BARX2: variants seen among roughly 807,000 people sequenced by gnomAD.
BARX2 encodes BARX homeobox 2.
In BARX2, 11 loss-of-function variants were observed where a neutral mutation model predicts 25.5. That is an observed-to-expected ratio of 0.43 (90% CI 0.27 to 0.71). The LOEUF is 0.71. Among genes scored for constraint, BARX2 ranks in the 30% least tolerant of loss-of-function variants. The probability of loss-of-function intolerance (pLI) is 0.19; values close to 1 mark genes in which losing one functional copy is unlikely to be tolerated. For synonymous variants in BARX2, 137 were observed against 149.5 expected, an observed-to-expected ratio of 0.92 and a Z score of 0.61; for missense variants, 360 against 359.9, an observed-to-expected ratio of 1.00 and a Z score of 0.00.
At chr11:129,427,096 T>C (rs375160926) in intron 1 of BARX2, among the ~76,000 whole-genome samples, 1 of 152,174 alleles carries the variant, frequency 6.6e-6, no homozygotes, top group Non-Finnish European at 1.5e-5. Flanking sequence ...TTAATCTACT[T>C]TAATTTGGCT....
chr11:129,382,907 C>T (rs1861582668), intron 1 of BARX2, among the ~76,000 whole-genome samples: 1 of 152,200 alleles, frequency 6.6e-6, no homozygotes, highest in South Asian at 2.1e-4. Flanking sequence ...GCATTGAGGG[C>T]ATTCGTGCAA....
At chr11:129,441,480 A>AC (rs1346391441) in intron 2 of BARX2, among the ~76,000 whole-genome samples, 1 of 152,042 alleles carries the variant, frequency 6.6e-6, no homozygotes, top group East Asian at 1.9e-4. Context: ...ACAATGTCTC[A>AC]CTCCATTGCC....
At position 129,390,339 on chromosome 11, in the gene BARX2, G is replaced by C. The variant is rs1270168864; in HGVS notation, c.187+14117G>C. ...GCATGTATTTATGAAGAGTGAGAAG[G>C]CTGACTTTGTCCCCTAGGGTCCTCA... On this transcript the variant is annotated intron_variant, in intron 1 of 3. Transcript: ENST00000281437. The surrounding 1 kb of genome is among the most constrained non-coding windows in gnomAD (Gnocchi z 4.3). Among the ~76,000 whole-genome samples the C allele has an allele frequency of 6.6e-6, 1 of 152,160 alleles. No homozygotes were observed. The highest frequency in any genetic ancestry group is 2.4e-5 in the African/African-American group (1 of 41,432).
intron 1 of BARX2, among the ~76,000 whole-genome samples, chr11:129,386,733 T>G (rs1253305866): frequency 6.6e-6 from 1 of 152,258 alleles, no homozygotes; most frequent in Non-Finnish European, 1.5e-5. Flanking sequence ...TTTAGAAATG[T>G]TGCTATTAGA....
intron 1 of BARX2, among the ~76,000 whole-genome samples, chr11:129,382,156 T>C (rs1861571704): frequency 6.6e-6 from 1 of 152,200 alleles, no homozygotes; most frequent in South Asian, 2.1e-4. Context: ...TCACATGGGC[T>C]GAGGCCTCTT....
Position 129,397,371 on chromosome 11 carries a change from C to T in BARX2, c.187+21149C>T, listed in dbSNP as rs528358714. On this transcript the variant is annotated intron_variant, in intron 1 of 3. Coordinates refer to ENST00000281437, the MANE Select transcript of BARX2 (RefSeq NM_003658.5). Reference sequence around the variant, plus strand: ...CATTTGAAATAAAATTATTCATGAGCTCACTTGCCTCTTTTTGTGCACAGG... The same window carrying T: ...CATTTGAAATAAAATTATTCATGAGTTCACTTGCCTCTTTTTGTGCACAGG... 3.3e-5 allele frequency among the ~76,000 whole-genome samples: 5 copies of T among 152,076 alleles called. No individual in the cohort carries two copies. In the South Asian group the frequency reaches 8.3e-4, roughly 25 times the overall value.
chr11:129,439,417 A>G (rs1459589851), intron 2 of BARX2, among the ~76,000 whole-genome samples: 2 of 152,020 alleles, frequency 1.3e-5, no homozygotes, highest in Admixed American at 6.6e-5. Flanking sequence ...TCCTAATGCC[A>G]TCCCTCCCCT....
chr11:129,418,376 C>T (rs998072945), intron 1 of BARX2, among the ~76,000 whole-genome samples: 1 of 152,086 alleles, frequency 6.6e-6, no homozygotes, highest in African/African-American at 2.4e-5. Flanking sequence ...TTTCTGTATT[C>T]GATGGATTTC....
At chr11:129,442,573 C>T in intron 2 of BARX2, 3 of 466,172 alleles carry the variant, frequency 6.4e-6, no homozygotes, top group South Asian at 6.1e-5. Context: ...CTTCTCAGGT[C>T]CCTTGCAGAC....
chr11:129,389,046 T>C (rs1591428119), intron 1 of BARX2, among the ~76,000 whole-genome samples: 1 of 151,988 alleles, frequency 6.6e-6, no homozygotes, highest in Non-Finnish European at 1.5e-5. Flanking sequence ...TTATTGGCTG[T>C]GTGACCTTAG....
chr11:129,380,512 A>G (rs1225847913), intron 1 of BARX2, among the ~76,000 whole-genome samples: 2 of 152,120 alleles, frequency 1.3e-5, no homozygotes, highest in Admixed American at 1.3e-4. Context: ...AACTCATAGG[A>G]TCTTAGGAAC....
chr11:129,413,845 C>T (rs1038935884), intron 1 of BARX2, among the ~76,000 whole-genome samples: 8 of 152,066 alleles, frequency 5.3e-5, no homozygotes, highest in African/African-American at 1.7e-4. Flanking sequence ...AGGCGGATCA[C>T]GAGGTCAGGA....
chr11:129,438,342 AAGTGTGT>A (rs1197512493), intron 2 of BARX2: 7 of 146,834 alleles, frequency 4.8e-5, no homozygotes, highest in Non-Finnish European at 8.9e-5. Context: ...AAAAAAAAAA[AAGTGTGT>A]ATCTCAGTGT....
intron 1 of BARX2, among the ~76,000 whole-genome samples, chr11:129,431,731 C>A (rs537417305): frequency 2.1e-4 from 32 of 151,544 alleles, no homozygotes; most frequent in Non-Finnish European, 4.1e-4. Flanking sequence ...CAGCTTTTTT[C>A]ATTTTCTTAA....
intron 1 of BARX2, among the ~76,000 whole-genome samples, chr11:129,407,132 T>C (rs1466645814): frequency 6.6e-6 from 1 of 152,182 alleles, no homozygotes; most frequent in East Asian, 1.9e-4. Context: ...TCCTGCATGC[T>C]GTAGAGCCTT....
chr11:129,383,684 C>A (rs1004367517), intron 1 of BARX2, among the ~76,000 whole-genome samples: 2 of 152,176 alleles, frequency 1.3e-5, no homozygotes, highest in African/African-American at 4.8e-5. Flanking sequence ...TTCCTCCATG[C>A]ACAGGTCAAA....
intron 3 of BARX2, among the ~76,000 whole-genome samples, chr11:129,445,797 A>T (rs896240574): frequency 2.6e-5 from 4 of 152,206 alleles, no homozygotes; most frequent in African/African-American, 9.7e-5. Context: ...AGGGAAATTT[A>T]TAGGATCAGC....
intron 1 of BARX2, among the ~76,000 whole-genome samples, chr11:129,386,774 C>G (rs76925222): frequency 0.015 from 2,339 of 152,314 alleles, 29 homozygotes; most frequent in Non-Finnish European, 0.022. Context: ...CTTTTGGGAG[C>G]TCTATCTTTC....
rs1379013198 is a variant in BARX2 at position 129,436,591 on chromosome 11, T to C, written c.188-160T>C. ...GACCTCTGTGCCTGCCCTGCAGCTG[T>C]AGGTCTTGAGTTACCTCTCCTTCCC... is the stretch of plus-strand genomic sequence containing the variant. On this transcript the variant is annotated intron_variant, in intron 1 of 3. Transcript: ENST00000281437. The surrounding 1 kb of genome is among the most constrained non-coding windows in gnomAD (Gnocchi z 4.5). The C allele has an allele frequency of 8.0e-6, 6 of 749,948 alleles. No homozygotes were observed. Among genetic ancestry groups the C allele is most frequent in the Non-Finnish European group, 1.3e-5 (6 of 469,818 alleles). 46.5% of individuals were successfully genotyped at this position (749,948 alleles called of 1,614,324 possible).
Sources: gnomAD v4.1 joint callset for allele counts (sites outside exome capture counted in the v4.1 genomes callset) on GRCh38, gnomAD v4.1.1 for gene constraint, Gnocchi (gnomAD v3.1) non-coding constraint, MANE v1.5 for transcripts, NCBI Gene and HGNC (gene_info 2026-07-23, HGNC 2026-07-21) for gene names.